The following NAA11 variants were observed in gnomAD, a reference collection of about 807,000 sequenced individuals.
NAA11 encodes the protein N-alpha-acetyltransferase 11.
A neutral mutation model predicts 16.1 loss-of-function variants in NAA11; 15 were observed. The ratio of observed to expected loss-of-function variants is 0.93; its 90% CI spans 0.62 to 1.44. The LOEUF (loss-of-function observed/expected upper bound fraction) is 1.44. Among genes scored for constraint, NAA11 ranks in the 40% most tolerant of loss-of-function variants. The pLI, the probability that NAA11 is intolerant of heterozygous loss-of-function variation, is 0.00. For missense variants in NAA11, 298 were observed against 291.3 expected (o/e 1.02, Z -0.17); for synonymous variants, 122 against 112.4 (o/e 1.09, Z -0.54).
intron 1 of NAA11, among the ~76,000 whole-genome samples, chr4:79,295,784 A>G (rs1313582006): frequency 6.6e-6 from 1 of 152,226 alleles, no homozygotes; most frequent in East Asian, 1.9e-4. Flanking sequence ...CATGCTTCTC[A>G]TAGTATTTTC....
intron 2 of NAA11, among the ~76,000 whole-genome samples, chr4:79,232,566 T>C (rs935300774): frequency 3.3e-5 from 5 of 152,018 alleles, no homozygotes; most frequent in Admixed American, 3.3e-4. Context: ...TCCAGTTCTT[T>C]GGTCTCTCAA....
intron 2 of NAA11, among the ~76,000 whole-genome samples, chr4:79,234,547 A>G (rs1005555007): frequency 2.6e-5 from 4 of 152,140 alleles, no homozygotes; most frequent in African/African-American, 9.7e-5. Context: ...GACAATAGAA[A>G]GCAGTGAATT....
rs151335780 is a variant in NAA11, at chr4:79,254,772, A to G, written c.*123-28502T>C. Among the ~76,000 whole-genome samples the G allele has an allele frequency of 6.7e-3, 1,011 of 151,782 alleles. 4 individuals are homozygous for G. The highest frequency in any genetic ancestry group is 9.2e-3 in the Non-Finnish European group (622 of 67,886). ...AAGGTTTGTTATTGATGAAGAAAAT[A>G]TATAAGTCCAAATGACACATATACC... is the stretch of plus-strand genomic sequence containing the variant. On this transcript the variant is annotated intron_variant and NMD_transcript_variant, in intron 2 of 2. Transcript: ENST00000511542.
chr4:79,181,416 C>T, the NAA11 span, among the ~76,000 whole-genome samples: 1 of 152,094 alleles, frequency 6.6e-6, no homozygotes, highest in Non-Finnish European at 1.5e-5. Context: ...CTGCAGTGGA[C>T]TCTGTGCTCT....
At chr4:79,225,179 C>T (rs113862209), downstream of NAA11, among the ~76,000 whole-genome samples, 64 of 151,918 alleles carry the variant, frequency 4.2e-4, 1 homozygote, top group South Asian at 5.2e-3. Context: ...ATAGGGGAAA[C>T]TCAATGTGGG....
At chr4:79,294,586 A>G (rs768126405) in intron 1 of NAA11, among the ~76,000 whole-genome samples, 2 of 152,198 alleles carry the variant, frequency 1.3e-5, no homozygotes, top group Non-Finnish European at 2.9e-5. Context: ...TGATATTTCT[A>G]ATATTTGCTA....
chr4:79,248,266 G>T (rs1400766913), intron 2 of NAA11, among the ~76,000 whole-genome samples: 1 of 152,022 alleles, frequency 6.6e-6, no homozygotes, highest in African/African-American at 2.4e-5. Context: ...ACATTCACCA[G>T]CCCGCCTGCA....
At chr4:79,246,209 C>A (rs1381614783) in intron 2 of NAA11, among the ~76,000 whole-genome samples, 1 of 152,014 alleles carries the variant, frequency 6.6e-6, no homozygotes, top group East Asian at 1.9e-4. Context: ...ACTCCCTAAT[C>A]TCAAGTACCC....
At chr4:79,182,332 A>T in the NAA11 span, among the ~76,000 whole-genome samples, 1 of 152,244 alleles carries the variant, frequency 6.6e-6, no homozygotes. Flanking sequence ...GAGAATGTTT[A>T]AATGAGTCTT....
the NAA11 span, among the ~76,000 whole-genome samples, chr4:79,196,603 T>G: frequency 6.6e-6 from 1 of 151,932 alleles, no homozygotes; most frequent in Non-Finnish European, 1.5e-5. Context: ...TGCTTTTTCA[T>G]TAGAATATGT....
At chr4:79,175,361 C>T in the NAA11 span, among the ~76,000 whole-genome samples, 4 of 152,098 alleles carry the variant, frequency 2.6e-5, no homozygotes, top group Admixed American at 1.3e-4. Flanking sequence ...CTTTATTTTC[C>T]GTGGATAATG....
chr4:79,289,812 G>A (rs1245207605), intron 2 of NAA11, among the ~76,000 whole-genome samples: 1 of 152,062 alleles, frequency 6.6e-6, no homozygotes, highest in East Asian at 1.9e-4. Context: ...TTGGTATTAC[G>A]ATTGAAGATA....
At chr4:79,171,682 T>C in the NAA11 span, among the ~76,000 whole-genome samples, 1 of 152,208 alleles carries the variant, frequency 6.6e-6, no homozygotes, top group Non-Finnish European at 1.5e-5. Flanking sequence ...TAAGGTAACA[T>C]AGATCTTATA....
chr4:79,266,060 C>G (rs960749066), intron 2 of NAA11, among the ~76,000 whole-genome samples: 4 of 152,174 alleles, frequency 2.6e-5, no homozygotes, highest in African/African-American at 9.7e-5. Flanking sequence ...GGGTGGCTGT[C>G]TATGCCACTG....
At chr4:79,252,846 AT>A (rs1301447298) in intron 2 of NAA11, among the ~76,000 whole-genome samples, 1 of 152,218 alleles carries the variant, frequency 6.6e-6, no homozygotes, top group Non-Finnish European at 1.5e-5. Flanking sequence ...ACTGATTCTC[AT>A]GCAACAAGGA....
At chr4:79,236,412 T>G (rs1183850033) in intron 2 of NAA11, among the ~76,000 whole-genome samples, 1 of 152,022 alleles carries the variant, frequency 6.6e-6, no homozygotes, top group Non-Finnish European at 1.5e-5. Context: ...CCCCTTAAAT[T>G]TAAAAGGACT....
chr4:79,289,591 C>CA (rs1255569329), intron 2 of NAA11, among the ~76,000 whole-genome samples: 1 of 152,136 alleles, frequency 6.6e-6, no homozygotes, highest in Non-Finnish European at 1.5e-5. Context: ...AGCCAGAACT[C>CA]AGACAATTTA....
the NAA11 span, among the ~76,000 whole-genome samples, chr4:79,193,216 C>T: frequency 6.6e-6 from 1 of 152,146 alleles, no homozygotes; most frequent in African/African-American, 2.4e-5. Flanking sequence ...TGTGCAGAAG[C>T]TCTTTAGTTT....
rs59261096 is a variant in NAA11, at chr4:79,303,076, T to TTATATATATATATATA, written c.*13-8978_*13-8963dup. On this transcript the variant is annotated intron_variant and NMD_transcript_variant, in intron 1 of 2. Coordinates refer to the NAA11 transcript ENST00000511542. ...TTCATTCCTGTTCTCTTGAGGCCTT[T>TTATATATATATATATA]TATATATATATATATATATATATAT... Among the ~76,000 whole-genome samples the TTATATATATATATATA allele has an allele frequency of 1.2e-3, 81 of 67,498 alleles. 1 individual carries two copies. Among genetic ancestry groups the TTATATATATATATATA allele is most frequent in the Non-Finnish European group, 1.7e-3 (60 of 35,054 alleles). 44.3% of individuals were successfully genotyped at this position (67,498 alleles called of 152,430 possible).
Sources: allele counts gnomAD v4.1 joint callset (sites outside exome capture counted in the v4.1 genomes callset), GRCh38; gene constraint gnomAD v4.1.1; transcripts MANE v1.5; gene names NCBI Gene and HGNC (gene_info 2026-07-23, HGNC 2026-07-21).